Variants in GRID2 observed in about 807,000 individuals in gnomAD.
GRID2 encodes the protein glutamate ionotropic receptor delta type subunit 2.
GRID2 carries 33 observed loss-of-function variants against 114.8 expected under a neutral mutation model. The observed-to-expected ratio is 0.29, with a 90% CI of 0.22 to 0.38. The LOEUF (loss-of-function observed/expected upper bound fraction) is 0.38, where lower values mean the gene tolerates loss of function less well. Ranked by LOEUF, GRID2 falls within the 10% of genes least tolerant of loss-of-function variation. The pLI is 1.00. For missense variants in GRID2, 1,184 were observed against 1,257.7 expected (o/e 0.94, Z 0.89); for synonymous variants, 505 against 449.9 (o/e 1.12, Z -1.55).
intron 2 of GRID2, among the ~76,000 whole-genome samples, chr4:92,766,295 T>A (rs1420339292): frequency 6.6e-6 from 1 of 152,028 alleles, no homozygotes; most frequent in East Asian, 1.9e-4. Context: ...TTCCAGCACT[T>A]TGGGAGGCCG....
intron 2 of GRID2, among the ~76,000 whole-genome samples, chr4:92,870,057 C>T (rs1745160513): frequency 6.6e-6 from 1 of 151,536 alleles, no homozygotes; most frequent in Admixed American, 6.6e-5. Context: ...AAAAAATAGC[C>T]AGGCTTGGTG....
At chr4:92,740,683 A>AGAT (rs1736831565) in intron 2 of GRID2, among the ~76,000 whole-genome samples, 1 of 75,578 alleles carries the variant, frequency 1.3e-5, no homozygotes, top group Non-Finnish European at 2.9e-5. Flanking sequence ...ATAGATAGAT[A>AGAT]GATAGATGAT....
chr4:93,220,490 A>T (rs1244022191), intron 6 of GRID2, among the ~76,000 whole-genome samples: 1 of 152,208 alleles, frequency 6.6e-6, no homozygotes, highest in Non-Finnish European at 1.5e-5. Flanking sequence ...TACCTTTAAA[A>T]GTTATAACAT....
intron 4 of GRID2, among the ~76,000 whole-genome samples, chr4:93,179,635 T>A (rs1187705001): frequency 6.6e-6 from 1 of 152,226 alleles, no homozygotes; most frequent in East Asian, 1.9e-4. Flanking sequence ...ACCTTGTACA[T>A]ATTAACTTGT....
At chr4:92,589,715 T>C (rs930262179) in intron 1 of GRID2, among the ~76,000 whole-genome samples, 4 of 152,176 alleles carry the variant, frequency 2.6e-5, no homozygotes, top group African/African-American at 9.7e-5. Flanking sequence ...GCAAGAAAGG[T>C]TTGATTCCTA....
At chr4:92,785,072 CT>C (rs541472931) in intron 2 of GRID2, among the ~76,000 whole-genome samples, 4,874 of 128,164 alleles carry the variant, frequency 0.038, 117 homozygotes, top group East Asian at 0.14. Flanking sequence ...TTTTGTGTTC[CT>C]TTTTTTTTTT....
Position 92,477,047 on chromosome 4 carries a change from G to A in GRID2, c.89-113084G>A, listed in dbSNP as rs1262808369. 2.8e-4 allele frequency among the ~76,000 whole-genome samples: 11 copies of A among 39,030 alleles called. 1 individual carries two copies. Among genetic ancestry groups the A allele is most frequent in the African/African-American group, 1.9e-3 (7 of 3,592 alleles). The allele number at this position is 39,030 out of a possible 152,430, so 25.6% of individuals were successfully genotyped here. ...CTATTTGATTTAACTTCATGTGTGT[G>A]TGTGTGTGTGTGTGTGTGTGTGTGT... On this transcript the variant is annotated intron_variant, in intron 1 of 15. Transcript: ENST00000282020.
At chr4:93,685,030 G>A (rs1192084629) in intron 14 of GRID2, among the ~76,000 whole-genome samples, 2 of 151,920 alleles carry the variant, frequency 1.3e-5, no homozygotes, top group African/African-American at 2.4e-5. Flanking sequence ...TTCCATATTA[G>A]TCCAGGCTAT....
intron 9 of GRID2, among the ~76,000 whole-genome samples, chr4:93,403,385 A>C (rs1766092392): frequency 6.6e-6 from 1 of 152,150 alleles, no homozygotes; most frequent in South Asian, 2.1e-4. Context: ...CAGCAAAATA[A>C]GCAGAGATGT....
intron 2 of GRID2, among the ~76,000 whole-genome samples, chr4:92,934,299 G>T (rs141769175): frequency 0.015 from 2,228 of 151,688 alleles, 21 homozygotes; most frequent in East Asian, 0.053. Flanking sequence ...GAAGCAATTG[G>T]GAATGGGAGT....
chr4:92,854,395 C>T (rs980755997), intron 2 of GRID2, among the ~76,000 whole-genome samples: 2 of 152,014 alleles, frequency 1.3e-5, no homozygotes, highest in South Asian at 2.1e-4. Flanking sequence ...GGGGCAGAGA[C>T]ATTTACTGAG....
intron 3 of GRID2, among the ~76,000 whole-genome samples, chr4:93,103,252 G>A (rs541657864): frequency 7.2e-5 from 11 of 151,978 alleles, no homozygotes; most frequent in Non-Finnish European, 1.5e-4. Flanking sequence ...AGACTGCATC[G>A]TAGCCTCCCT....
At chr4:93,203,683 A>G (rs1020896817) in intron 4 of GRID2, among the ~76,000 whole-genome samples, 1 of 152,212 alleles carries the variant, frequency 6.6e-6, no homozygotes, top group Non-Finnish European at 1.5e-5. Flanking sequence ...GGGCTAAATT[A>G]GTCTAACAAG....
intron 10 of GRID2, among the ~76,000 whole-genome samples, chr4:93,452,427 T>A (rs924094414): frequency 6.6e-6 from 1 of 151,630 alleles, no homozygotes; most frequent in African/African-American, 2.4e-5. Flanking sequence ...AACCAGAGAG[T>A]AGAGGGAAGG....
intron 2 of GRID2, among the ~76,000 whole-genome samples, chr4:93,010,593 T>A (rs1722032880): frequency 6.6e-6 from 1 of 152,266 alleles, no homozygotes; most frequent in African/African-American, 2.4e-5. Flanking sequence ...CTTGCATTTT[T>A]TAAAAAAGGC....
At chr4:92,604,131 A>G (rs1729347547) in intron 2 of GRID2, among the ~76,000 whole-genome samples, 1 of 152,092 alleles carries the variant, frequency 6.6e-6, no homozygotes, top group South Asian at 2.1e-4. Flanking sequence ...ACAGTGTGGC[A>G]ATTCCTCAAA....
At chr4:92,700,677 TTTCATA>T (rs1734629808) in intron 2 of GRID2, among the ~76,000 whole-genome samples, 1 of 152,116 alleles carries the variant, frequency 6.6e-6, no homozygotes, top group Non-Finnish European at 1.5e-5. Flanking sequence ...ATCATTTGAA[TTTCATA>T]GTATAGTTAA....
intron 8 of GRID2, among the ~76,000 whole-genome samples, chr4:93,361,007 T>G (rs1304895176): frequency 6.6e-6 from 1 of 152,082 alleles, no homozygotes. Flanking sequence ...TATTGAATAA[T>G]TTTTCTCCAA....
At chr4:92,448,872 A>G (rs1188479194) in intron 1 of GRID2, among the ~76,000 whole-genome samples, 2 of 152,124 alleles carry the variant, frequency 1.3e-5, no homozygotes, top group Non-Finnish European at 2.9e-5. Flanking sequence ...CAATCTCATT[A>G]TTCCTCACAA....
Sources: allele counts gnomAD v4.1 joint callset (sites outside exome capture counted in the v4.1 genomes callset), GRCh38; gene constraint gnomAD v4.1.1; transcripts MANE v1.5; gene names NCBI Gene and HGNC (gene_info 2026-07-23, HGNC 2026-07-21).